ITPKB: variants seen among roughly 807,000 people sequenced by gnomAD.
ITPKB encodes IP3 3-kinase B.
ITPKB carries 13 observed loss-of-function variants against 69.4 expected under a neutral mutation model. That is an observed-to-expected ratio of 0.19 (90% CI 0.12 to 0.30). The LOEUF is 0.30. Among genes scored for constraint, ITPKB ranks in the 10% least tolerant of loss-of-function variants. The probability of loss-of-function intolerance (pLI) is 1.00; values close to 1 mark genes in which losing one functional copy is unlikely to be tolerated. For synonymous variants in ITPKB, 584 were observed against 513.7 expected (o/e 1.14, Z -1.85); for missense variants, 1,240 against 1,250.5 (o/e 0.99, Z 0.13).
In ITPKB at chr1:226,736,134, C is replaced by A. The variant is rs759515207; in HGVS notation, c.1325G>T (p.Arg442Ile). Residue 442 changes from arginine to isoleucine, a missense_variant, in exon 2 of 8, where the codon AGA becomes ATA. This residue lies in a region of ITPKB where 992 missense variants were observed against 853.8 expected (regional missense o/e 1.16). Coordinates refer to ENST00000429204, the MANE Select transcript of ITPKB (RefSeq NM_002221.4). Reference protein sequence around the residue: ...VGGGRWQLSDRVEGGSPTLGL... With the variant: ...VGGGRWQLSDIVEGGSPTLGL... ...CAGCGTTGGGGACCCTCCCTCCACT[C>A]TGTCGGAGAGCTGCCAACGCCCCCC... 3 of 1,584,534 alleles carry A rather than the reference C, an allele frequency of 1.9e-6. No homozygotes were observed. The highest frequency in any genetic ancestry group is 1.2e-5 in the South Asian group (1 of 86,626).
At position 226,644,485 on chromosome 1, in the gene ITPKB, C is replaced by G. The variant is rs1160146043; in HGVS notation, c.2247-2360G>C. Among the ~76,000 whole-genome samples, 8 of 152,196 alleles carry G rather than the reference C, an allele frequency of 5.3e-5. No homozygotes were observed. In the East Asian group the frequency reaches 1.3e-3, roughly 26 times the overall value. On this transcript the variant is annotated intron_variant, in intron 4 of 7. Coordinates refer to ENST00000429204, the MANE Select transcript of ITPKB (RefSeq NM_002221.4). ...AGCTCCTAGGTGCTAGGGGCGGGCT[C>G]TCACCTGCACTCCCCAGGCCCCTGG...
chr1:226,647,133 G>A (rs1321824499), intron 4 of ITPKB, 34 bp downstream of exon 4: 1 of 1,595,188 alleles, frequency 6.3e-7, no homozygotes, highest in Non-Finnish European at 8.6e-7. Context: ...CTTGCACTGA[G>A]GCAGGCATGT....
chr1:226,723,543 T>A (rs572949608), intron 2 of ITPKB, among the ~76,000 whole-genome samples: 36 of 150,152 alleles, frequency 2.4e-4, no homozygotes, highest in African/African-American at 8.1e-4. Flanking sequence ...CGATACAGAG[T>A]AGTGTTGTTC....
At position 226,737,675 on chromosome 1, in the gene ITPKB, C is replaced by T. The variant is rs1034970378; in HGVS notation, c.-205-12G>A. ...AAACAACCGTGCGGCTGTGGAGATA[C>T]AAGGAGAAAAGTCAGGACCCTGGAG... is the stretch of plus-strand genomic sequence containing the variant. On this transcript the variant is annotated splice_polypyrimidine_tract_variant and intron_variant, in intron 1 of 7. Coordinates refer to ENST00000429204, the MANE Select transcript of ITPKB (RefSeq NM_002221.4). 2.0e-6 allele frequency: 2 copies of T among 1,004,408 alleles called. No homozygotes were observed. The highest frequency in any genetic ancestry group is 1.7e-5 in the African/African-American group (1 of 58,118). 62.2% of individuals were successfully genotyped at this position (1,004,408 alleles called of 1,614,324 possible).
chr1:226,701,363 G>C (rs1203750542), intron 2 of ITPKB, among the ~76,000 whole-genome samples: 1 of 152,084 alleles, frequency 6.6e-6, no homozygotes, highest in Non-Finnish European at 1.5e-5. Context: ...CCAGCACTTT[G>C]GGAGGCCGAG....
intron 7 of ITPKB, among the ~76,000 whole-genome samples, chr1:226,635,253 C>T (rs1183709305): frequency 6.6e-6 from 1 of 152,060 alleles, no homozygotes; most frequent in Non-Finnish European, 1.5e-5. Flanking sequence ...CAGGGTCTTA[C>T]TCTGTCGCCC....
chr1:226,736,301 C>T lies in ITPKB; in HGVS notation c.1158G>A (p.Glu386=). The part of the protein sequence containing the change: ...YLPCGMPGSG[E]PEVGKRPEET... ...CCTCTGGCCTTTTGCCCACTTCAGGCTCCCCAGAGCCCGGCATGCCACAGG... is the reference window on the plus strand; with the variant it reads ...CCTCTGGCCTTTTGCCCACTTCAGGTTCCCCAGAGCCCGGCATGCCACAGG... The change falls in exon 2 of 8, where the codon GAG becomes GAA. Residue 386 remains glutamate, a synonymous_variant. Transcript: ENST00000429204. 6.2e-7 allele frequency: 1 copy of T among 1,606,406 alleles called. No individual in the cohort carries two copies. The highest frequency in any genetic ancestry group is 1.3e-5 in the African/African-American group (1 of 74,650).
At position 226,736,807 on chromosome 1, in the gene ITPKB, C is replaced by A. The variant is rs1383167101; in HGVS notation, c.652G>T (p.Gly218Trp). The change falls in exon 2 of 8, where the codon GGG becomes TGG. Residue 218 changes from glycine (G) to tryptophan (W), a missense_variant. By Grantham distance (184) the Gly-to-Trp change is radical. Around this residue, in one of 2 missense-constraint regions of ITPKB, gnomAD observed 992 missense variants for 853.8 expected, o/e 1.16. Transcript: ENST00000429204. ...QCPETSGTDS[G>W]RKGGPSLCSS... ...CATAGGCTGGGCCCTCCTTTCCTCCCGGAGTCGGTTCCTGAAGTCTCTGGA... is the reference window on the plus strand; with the variant it reads ...CATAGGCTGGGCCCTCCTTTCCTCCAGGAGTCGGTTCCTGAAGTCTCTGGA... The A allele has an allele frequency of 3.7e-6, 6 of 1,612,914 alleles. No individual in the cohort carries two copies. The highest frequency in any genetic ancestry group is 1.7e-5 in the Admixed American group (1 of 60,014).
intron 5 of ITPKB, among the ~76,000 whole-genome samples, chr1:226,640,214 C>T (rs759639178): frequency 3.3e-5 from 5 of 152,220 alleles, no homozygotes; most frequent in African/African-American, 4.8e-5. Context: ...TCTGCTCCCT[C>T]GCCCACCCCA....
chr1:226,736,511 G>T lies in ITPKB; in HGVS notation c.948C>A (p.His316Gln). The T allele has an allele frequency of 6.2e-7, 1 of 1,613,988 alleles. No individual in the cohort carries two copies. The highest frequency in any genetic ancestry group is 8.5e-7 in the Non-Finnish European group (1 of 1,180,040). Reference protein sequence around the residue: ...VAARVTSTGPHRPQDLALTEP... With the variant: ...VAARVTSTGPQRPQDLALTEP... ...CAGTGAGGGCAAGATCCTGTGGACG[G>T]TGTGGCCCAGTGGATGTAACTCTCG... The change falls in exon 2 of 8, where the codon CAC (histidine) becomes CAA (glutamine). Residue 316 changes from histidine (H) to glutamine (Q), a missense_variant. His to Gln is a conservative substitution (Grantham distance 24). Transcript: ENST00000429204.
chr1:226,735,386 GAATTATTCACTGTGACTGTC>G (rs1252218549), intron 2 of ITPKB, 121 bp downstream of exon 2: 9 of 944,292 alleles, frequency 9.5e-6, no homozygotes, highest in Non-Finnish European at 1.3e-5. Flanking sequence ...CACCTGGACA[GAATTATTCACTGTGACTGTC>G]CCAGGGCCCT....
intron 2 of ITPKB, 42 bp from the exon 3 acceptor site, chr1:226,648,813 C>T (rs1669114150): frequency 2.3e-6 from 3 of 1,307,660 alleles, no homozygotes; most frequent in Non-Finnish European, 3.3e-6. Flanking sequence ...AGAAAGACAA[C>T]CACTAATTTC....
chr1:226,733,822 C>T (rs953819783), intron 2 of ITPKB, among the ~76,000 whole-genome samples: 8 of 152,218 alleles, frequency 5.3e-5, no homozygotes, highest in South Asian at 4.1e-4. Flanking sequence ...AGTCACCTGT[C>T]GTTATTGATC....
intron 2 of ITPKB, among the ~76,000 whole-genome samples, chr1:226,687,735 A>C (rs1005563814): frequency 6.6e-6 from 1 of 152,216 alleles, no homozygotes; most frequent in Admixed American, 6.5e-5. Flanking sequence ...GGGGCCACAC[A>C]GATACCAACT....
intron 2 of ITPKB, among the ~76,000 whole-genome samples, chr1:226,705,770 A>T (rs894648880): frequency 6.6e-6 from 1 of 152,172 alleles, no homozygotes; most frequent in Non-Finnish European, 1.5e-5. Context: ...CTTATACTGC[A>T]TGTTTTCTCC....
At chr1:226,667,924 A>G (rs1669537035) in intron 2 of ITPKB, among the ~76,000 whole-genome samples, 1 of 151,860 alleles carries the variant, frequency 6.6e-6, no homozygotes, top group African/African-American at 2.4e-5. Flanking sequence ...CCTAGAAGCA[A>G]AAAAGCACCA....
intron 2 of ITPKB, among the ~76,000 whole-genome samples, chr1:226,653,824 C>T (rs1055367979): frequency 6.6e-6 from 1 of 152,130 alleles, no homozygotes; most frequent in South Asian, 2.1e-4. Flanking sequence ...GGCTTGGATG[C>T]GAACCAGCTG....
At chr1:226,674,108 T>C (rs1258992070) in intron 2 of ITPKB, among the ~76,000 whole-genome samples, 3 of 152,188 alleles carry the variant, frequency 2.0e-5, no homozygotes, top group African/African-American at 4.8e-5. Flanking sequence ...TAGAGTTCCA[T>C]GGATTTTAAA....
At chr1:226,649,497 T>C (rs1669139230) in intron 2 of ITPKB, among the ~76,000 whole-genome samples, 2 of 151,008 alleles carry the variant, frequency 1.3e-5, no homozygotes, top group Non-Finnish European at 2.9e-5. Context: ...CATCAGTGTG[T>C]GCATGCGTGA....
Sources: gnomAD v4.1 joint callset for allele counts (sites outside exome capture counted in the v4.1 genomes callset) on GRCh38, gnomAD v4.1.1 for gene constraint, gnomAD v4.1.1 regional missense constraint, MANE v1.5 for transcripts, NCBI Gene and HGNC (gene_info 2026-07-23, HGNC 2026-07-21) for gene names.